The following BLM variants were observed in gnomAD, a reference collection of about 807,000 sequenced individuals.
BLM encodes the protein recQ-like DNA helicase BLM.
A neutral mutation model predicts 135.3 loss-of-function variants in BLM; 95 were observed. The ratio of observed to expected loss-of-function variants is 0.70; its 90% confidence interval spans 0.59 to 0.83. The LOEUF is 0.83. BLM is among the 40% of genes least tolerant of loss of function. The pLI is 0.00. For synonymous variants in BLM, 520 were observed against 589.2 expected, an observed-to-expected ratio of 0.88 and a Z score of 1.70; for missense variants, 1,518 against 1,663.9, an observed-to-expected ratio of 0.91 and a Z score of 1.53.
At chr15:90,726,940 A>G (rs1596198075) in intron 1 of BLM, among the ~76,000 whole-genome samples, 1 of 152,154 alleles carries the variant, frequency 6.6e-6, no homozygotes, top group East Asian at 1.9e-4. Context: ...TCCTTTGGAT[A>G]AGTGTTCAGT....
Position 90,749,967 on chromosome 15 carries a change from CGATGTGATTTGCAT to C in BLM, c.700_713del (p.Asp234ArgfsTer2), listed in dbSNP as rs1567035745. ...AGGATGACTCAGAATGGTTAAGCAGCGATGTGATTTGCATCGATGATGGCCCCATTGCTGAAGTG... is the reference window on the plus strand; with the variant it reads ...AGGATGACTCAGAATGGTTAAGCAGCCGATGATGGCCCCATTGCTGAAGTG... On this transcript the variant is annotated frameshift_variant, in exon 3 of 22. Coordinates refer to ENST00000355112, the MANE Select transcript of BLM (RefSeq NM_000057.4). LOFTEE classifies it high-confidence loss of function. 1 of 1,614,148 alleles carries C rather than the reference CGATGTGATTTGCAT, an allele frequency of 6.2e-7. No individual in the cohort carries two copies.
At chr15:90,730,640 G>A (rs770344280) in intron 1 of BLM, among the ~76,000 whole-genome samples, 2 of 152,006 alleles carry the variant, frequency 1.3e-5, no homozygotes, top group African/African-American at 4.8e-5. Context: ...TAGAGACAGG[G>A]TTTCACCATA....
intron 1 of BLM, among the ~76,000 whole-genome samples, chr15:90,731,052 A>G (rs958673675): frequency 4.0e-5 from 6 of 151,894 alleles, no homozygotes; most frequent in Non-Finnish European, 8.8e-5. Flanking sequence ...TCATCCTCCC[A>G]TCTCAGCTTC....
intron 19 of BLM, 144 bp from the exon 20 acceptor site, chr15:90,808,993 C>A: frequency 1.7e-6 from 2 of 1,152,938 alleles, no homozygotes; most frequent in Non-Finnish European, 2.6e-6. Flanking sequence ...GCTAACTTTG[C>A]CTTTTACAAA....
chr15:90,763,945 T>TTA (rs1490191761), intron 8 of BLM, among the ~76,000 whole-genome samples: 1 of 152,226 alleles, frequency 6.6e-6, no homozygotes, highest in African/African-American at 2.4e-5. Flanking sequence ...AGTGCTGTCA[T>TTA]TATTGTATAA....
intron 12 of BLM, among the ~76,000 whole-genome samples, chr15:90,778,966 A>G (rs1454138562): frequency 1.3e-5 from 2 of 148,886 alleles, no homozygotes; most frequent in African/African-American, 2.5e-5. Context: ...GCTCACTGCA[A>G]CCTCCACCTC....
chr15:90,743,850 GA>G (rs1262407679), intron 1 of BLM, among the ~76,000 whole-genome samples: 3 of 152,186 alleles, frequency 2.0e-5, no homozygotes, highest in Non-Finnish European at 4.4e-5. Flanking sequence ...CCATACTTCA[GA>G]ATATGATTCT....
rs775168015 is a variant in BLM, at chr15:90,750,019, G to GA, written c.752dup (p.Asp251GlufsTer6). On this transcript the variant is annotated frameshift_variant, in exon 3 of 22. Transcript: ENST00000355112. LOFTEE classifies it high-confidence loss of function. Reference sequence around the variant, plus strand: ...CATTGCTGAAGTGCATATAAATGAAGATGCTCAGGAAAGTGACTCTCTGAA... The same window carrying GA: ...CATTGCTGAAGTGCATATAAATGAAGAATGCTCAGGAAAGTGACTCTCTGAA... The GA allele has an allele frequency of 6.2e-7, 1 of 1,614,190 alleles. No individual in the cohort carries two copies. The highest frequency in any genetic ancestry group is 8.5e-7 in the Non-Finnish European group (1 of 1,180,046).
intron 3 of BLM, 86 bp from the exon 4 acceptor site, chr15:90,751,701 A>G: frequency 8.7e-7 from 1 of 1,152,444 alleles, no homozygotes. Flanking sequence ...ACTTGCCAGA[A>G]GCACTCATTC....
intron 17 of BLM, among the ~76,000 whole-genome samples, chr15:90,802,437 G>A (rs907640035): frequency 8.9e-4 from 136 of 152,292 alleles, no homozygotes; most frequent in African/African-American, 3.1e-3. Flanking sequence ...TGTGGCTCTC[G>A]GCTAGTAAGA....
At position 90,794,769 on chromosome 15, in the gene BLM, C is replaced by T. The variant is rs959355813; in HGVS notation, c.3210+412C>T. On this transcript the variant is annotated intron_variant, in intron 16 of 21. Coordinates refer to ENST00000355112, the MANE Select transcript of BLM (RefSeq NM_000057.4). ...ATTAAATTAAATATATTAAAATTGA[C>T]GTATTAATATTTAATATTTTAAATA... is the stretch of plus-strand genomic sequence containing the variant. Among the ~76,000 whole-genome samples the T allele has an allele frequency of 4.1e-5, 6 of 147,606 alleles. No homozygotes were observed. In the South Asian group the frequency reaches 6.3e-4, roughly 16 times the overall value.
intron 9 of BLM, 119 bp from the exon 10 acceptor site, chr15:90,766,791 T>C (rs531319744): frequency 3.0e-6 from 2 of 676,944 alleles, no homozygotes; most frequent in African/African-American, 1.8e-5. Context: ...TGTTGAGATA[T>C]GTATTTCCTT....
Position 90,749,899 on chromosome 15 carries a change from CCCT to C in BLM, c.636_638del (p.Ser213del), listed in dbSNP as rs760096957. On this transcript the variant is annotated inframe_deletion, in exon 3 of 22. Transcript: ENST00000355112. ...CACAGTAAAGACTGATTTGCCTCCACCCTCCTCTGAAAGCGAGCAAATAGATTT... is the reference window on the plus strand; with the variant it reads ...CACAGTAAAGACTGATTTGCCTCCACCCTCTGAAAGCGAGCAAATAGATTT... 6 of 1,612,622 alleles carry C rather than the reference CCCT, an allele frequency of 3.7e-6. No individual in the cohort carries two copies. Among genetic ancestry groups the C allele is most frequent in the Non-Finnish European group, 5.1e-6 (6 of 1,178,830 alleles).
At chr15:90,725,873 A>G (rs1894900747) in intron 1 of BLM, among the ~76,000 whole-genome samples, 1 of 151,996 alleles carries the variant, frequency 6.6e-6, no homozygotes, top group South Asian at 2.1e-4. Flanking sequence ...ATATAAACAT[A>G]TTTATATATA....
intron 19 of BLM, among the ~76,000 whole-genome samples, chr15:90,807,244 T>C (rs1267676711): frequency 6.6e-6 from 1 of 152,222 alleles, no homozygotes; most frequent in African/African-American, 2.4e-5. Flanking sequence ...AACAGAAGGT[T>C]GTACATCTCT....
At chr15:90,717,703 C>T (rs745743052) in intron 1 of BLM, among the ~76,000 whole-genome samples, 12 of 152,258 alleles carry the variant, frequency 7.9e-5, no homozygotes, top group Non-Finnish European at 1.6e-4. Context: ...TGGGCTAGGA[C>T]CTGGCATGTT....
intron 12 of BLM, among the ~76,000 whole-genome samples, chr15:90,781,947 A>G (rs1042187917): frequency 6.6e-6 from 1 of 152,144 alleles, no homozygotes; most frequent in Non-Finnish European, 1.5e-5. Flanking sequence ...TTGTCTTTCT[A>G]TATGTTTTCT....
At chr15:90,777,055 C>G in intron 12 of BLM, among the ~76,000 whole-genome samples, 1 of 151,982 alleles carries the variant, frequency 6.6e-6, no homozygotes, top group Non-Finnish European at 1.5e-5. Context: ...GTTGCCCAGG[C>G]TGGTCTTGAA....
intron 20 of BLM, among the ~76,000 whole-genome samples, chr15:90,810,994 C>T (rs1278072433): frequency 6.6e-6 from 1 of 152,110 alleles, no homozygotes; most frequent in African/African-American, 2.4e-5. Context: ...AATTCTGATT[C>T]TCTTTTGTTA....
Sources: allele counts gnomAD v4.1 joint callset (sites outside exome capture counted in the v4.1 genomes callset), GRCh38; gene constraint gnomAD v4.1.1; transcripts MANE v1.5; gene names NCBI Gene and HGNC (gene_info 2026-07-23, HGNC 2026-07-21).